Variants in CSMD1 observed in about 807,000 individuals in gnomAD.
The protein encoded by CSMD1 is CUB and sushi domain-containing protein 1.
In CSMD1, 213 loss-of-function variants were observed where a neutral mutation model predicts 417.5. The observed-to-expected ratio is 0.51, with a 90% CI of 0.46 to 0.57. CSMD1 has a LOEUF of 0.57. CSMD1 is among the 20% of genes least tolerant of loss of function. CSMD1 has a pLI of 0.00. For synonymous variants in CSMD1, 2,862 were observed against 1,736.8 expected, an observed-to-expected ratio of 1.65 and a Z score of -16.11; for missense variants, 6,923 against 4,529.7, an observed-to-expected ratio of 1.53 and a Z score of -15.17.
At chr8:4,017,809 A>G (rs149282699) in intron 4 of CSMD1, among the ~76,000 whole-genome samples, 191 of 152,256 alleles carry the variant, frequency 1.3e-3, no homozygotes, top group Non-Finnish European at 1.8e-3. Context: ...GGAAAAGATA[A>G]CATTTCTGGA....
chr8:3,749,987 G>A (rs928075849), intron 6 of CSMD1, among the ~76,000 whole-genome samples: 1 of 151,958 alleles, frequency 6.6e-6, no homozygotes, highest in African/African-American at 2.4e-5. Flanking sequence ...TTTCTAAAAC[G>A]GTCATATCAA....
Position 3,778,934 on chromosome 8 carries a change from C to G in CSMD1, c.819-24892G>C, listed in dbSNP as rs73498888. On this transcript the variant is annotated intron_variant, in intron 5 of 69. Coordinates refer to ENST00000635120, the MANE Select transcript of CSMD1 (RefSeq NM_033225.6). ...GATCAACAACAATCTCTCAAAAATG[C>G]TGTTTCTGGGAGGACAATCAGCCTT... 3.8e-3 allele frequency among the ~76,000 whole-genome samples: 573 copies of G among 152,234 alleles called. 8 individuals are homozygous for G. Among genetic ancestry groups the G allele is most frequent in the African/African-American group, 0.013 (542 of 41,544 alleles).
At chr8:4,412,170 G>A (rs1272461772) in intron 3 of CSMD1, among the ~76,000 whole-genome samples, 4 of 152,044 alleles carry the variant, frequency 2.6e-5, no homozygotes, top group East Asian at 1.9e-4. Flanking sequence ...GATATAGTTC[G>A]GATATCTGTC....
At chr8:3,174,764 C>T (rs750319620) in intron 37 of CSMD1, among the ~76,000 whole-genome samples, 9 of 152,034 alleles carry the variant, frequency 5.9e-5, no homozygotes, top group Non-Finnish European at 1.3e-4. Flanking sequence ...ATATTTATAG[C>T]TTTCTCTTTG....
intron 5 of CSMD1, among the ~76,000 whole-genome samples, chr8:3,911,678 G>C (rs1808477776): frequency 6.6e-6 from 1 of 151,928 alleles, no homozygotes; most frequent in Non-Finnish European, 1.5e-5. Flanking sequence ...TTGCTTGTCG[G>C]AGCTGCCATA....
intron 3 of CSMD1, among the ~76,000 whole-genome samples, chr8:4,162,503 T>C (rs55639812): frequency 7.2e-5 from 11 of 152,002 alleles, no homozygotes; most frequent in Non-Finnish European, 1.2e-4. Flanking sequence ...TTGATCCTCA[T>C]AAATCTAACT....
chr8:4,826,035 T>A (rs12541421), intron 1 of CSMD1, among the ~76,000 whole-genome samples: 1 of 152,008 alleles, frequency 6.6e-6, no homozygotes, highest in East Asian at 1.9e-4. Flanking sequence ...TCACTGTCCA[T>A]TGAACATGAA....
chr8:3,367,273 G>C (rs531521793), intron 19 of CSMD1, 26 bp from the exon 20 acceptor site: 23 of 1,494,768 alleles, frequency 1.5e-5, no homozygotes, highest in Admixed American at 5.4e-5. Context: ...GGGGGAGAGA[G>C]AGAGAGACAG....
intron 22 of CSMD1, among the ~76,000 whole-genome samples, chr8:3,343,673 C>G (rs562102307): frequency 6.6e-6 from 1 of 152,116 alleles, no homozygotes; most frequent in East Asian, 1.9e-4. Flanking sequence ...CATTCTTGTT[C>G]AGATCATTTT....
chr8:4,542,130 G>A (rs1344861193), intron 2 of CSMD1, among the ~76,000 whole-genome samples: 3 of 151,702 alleles, frequency 2.0e-5, no homozygotes, highest in East Asian at 3.9e-4. Context: ...AACAGTTTGG[G>A]CAAGTAAACA....
intron 2 of CSMD1, among the ~76,000 whole-genome samples, chr8:4,537,356 A>T (rs1036794108): frequency 1.3e-5 from 2 of 152,196 alleles, no homozygotes; most frequent in African/African-American, 4.8e-5. Flanking sequence ...ATTATTATAT[A>T]AAGAAAGTTG....
chr8:4,718,872 G>T (rs1238286439), intron 1 of CSMD1, among the ~76,000 whole-genome samples: 1 of 151,900 alleles, frequency 6.6e-6, no homozygotes, highest in South Asian at 2.1e-4. Context: ...AAATGTAAAT[G>T]AATGAAAATA....
intron 1 of CSMD1, among the ~76,000 whole-genome samples, chr8:4,764,603 G>C (rs1040338205): frequency 6.6e-5 from 10 of 151,710 alleles, no homozygotes; most frequent in Non-Finnish European, 1.2e-4. Flanking sequence ...TTCTAAAAAA[G>C]AGTGGAAAGA....
intron 1 of CSMD1, among the ~76,000 whole-genome samples, chr8:4,659,909 A>G (rs1804480383): frequency 6.6e-6 from 1 of 152,104 alleles, no homozygotes; most frequent in Admixed American, 6.6e-5. Context: ...AATGCATGTG[A>G]CATAATTCAA....
At chr8:3,974,653 C>T (rs1477135348) in intron 5 of CSMD1, among the ~76,000 whole-genome samples, 1 of 148,802 alleles carries the variant, frequency 6.7e-6, no homozygotes, top group African/African-American at 2.5e-5. Flanking sequence ...GTTTAAACTG[C>T]TTTAAAAACA....
intron 37 of CSMD1, among the ~76,000 whole-genome samples, chr8:3,173,459 G>T (rs2129044673): frequency 6.6e-6 from 1 of 152,284 alleles, no homozygotes; most frequent in Admixed American, 6.5e-5. Context: ...ATAGGACGCA[G>T]GAATGCATTG....
At chr8:3,812,963 G>A (rs1801166258) in intron 5 of CSMD1, among the ~76,000 whole-genome samples, 1 of 152,132 alleles carries the variant, frequency 6.6e-6, no homozygotes, top group South Asian at 2.1e-4. Context: ...AAAGGGAACA[G>A]GCAGTGCAAT....
chr8:4,330,148 T>G (rs895653511), intron 3 of CSMD1, among the ~76,000 whole-genome samples: 1 of 151,606 alleles, frequency 6.6e-6, no homozygotes, highest in Non-Finnish European at 1.5e-5. Context: ...ATGAGTAGTA[T>G]CCCAACAAAT....
intron 6 of CSMD1, among the ~76,000 whole-genome samples, chr8:3,719,781 G>C (rs80171961): frequency 2.8e-3 from 429 of 152,250 alleles, no homozygotes; most frequent in African/African-American, 9.8e-3. Flanking sequence ...GGCATTTCCA[G>C]TTCTACGTGT....
Sources: gnomAD v4.1 joint callset for allele counts (sites outside exome capture counted in the v4.1 genomes callset) on GRCh38, gnomAD v4.1.1 for gene constraint, MANE v1.5 for transcripts, NCBI Gene and HGNC (gene_info 2026-07-23, HGNC 2026-07-21) for gene names.